Variants in NPAS3 observed in about 807,000 individuals in gnomAD.
NPAS3 encodes neuronal PAS domain protein 3.
A neutral mutation model predicts 73.1 loss-of-function variants in NPAS3; 14 were observed. The ratio of observed to expected loss-of-function variants is 0.19; its 90% CI spans 0.13 to 0.30. The LOEUF (loss-of-function observed/expected upper bound fraction) is 0.30, where lower values mean the gene tolerates loss of function less well. Among genes scored for constraint, NPAS3 ranks in the 10% least tolerant of loss-of-function variants. NPAS3 has a pLI of 1.00. For synonymous variants in NPAS3, 620 were observed against 541.5 expected (o/e 1.14, Z -2.01); for missense variants, 1,096 against 1,250.0 (o/e 0.88, Z 1.86).
chr14:33,148,901 G>A (rs775823938), intron 2 of NPAS3, among the ~76,000 whole-genome samples: 1 of 152,008 alleles, frequency 6.6e-6, no homozygotes, highest in Non-Finnish European at 1.5e-5. Flanking sequence ...TGTCCAGGCT[G>A]GTCTCAAACT....
At chr14:33,131,867 C>T (rs1188619860) in intron 2 of NPAS3, among the ~76,000 whole-genome samples, 2 of 152,124 alleles carry the variant, frequency 1.3e-5, no homozygotes, top group Non-Finnish European at 2.9e-5. Context: ...TGAGCCGAAG[C>T]TTGCAGGATC....
intron 1 of NPAS3, among the ~76,000 whole-genome samples, chr14:33,006,894 C>T (rs929482767): frequency 6.6e-6 from 1 of 152,136 alleles, no homozygotes; most frequent in East Asian, 1.9e-4. Flanking sequence ...CTAATAGGAG[C>T]AAATTCATCT....
intron 1 of NPAS3, among the ~76,000 whole-genome samples, chr14:33,012,700 C>T (rs141874594): frequency 0.054 from 8,199 of 152,142 alleles, 427 homozygotes; most frequent in East Asian, 0.22. Context: ...AGGCGCCCGC[C>T]ACCACACATG....
At chr14:33,794,090 T>G in intron 10 of NPAS3, 46 bp downstream of exon 10, 6 of 1,552,468 alleles carry the variant, frequency 3.9e-6, no homozygotes, top group Non-Finnish European at 5.3e-6. Context: ...TTATAAAATA[T>G]GCCATATAAA....
At chr14:33,599,359 A>C (rs529392103) in intron 5 of NPAS3, among the ~76,000 whole-genome samples, 1 of 152,320 alleles carries the variant, frequency 6.6e-6, no homozygotes, top group African/African-American at 2.4e-5. Context: ...TATTGTACTC[A>C]TGGGAAGTCG....
At chr14:32,956,624 A>G (rs2139184632) in intron 1 of NPAS3, among the ~76,000 whole-genome samples, 1 of 152,280 alleles carries the variant, frequency 6.6e-6, no homozygotes, top group South Asian at 2.1e-4. Context: ...GACATAGCTT[A>G]CTTTCTCCAA....
intron 1 of NPAS3, among the ~76,000 whole-genome samples, chr14:33,036,001 G>A (rs1158324726): frequency 3.3e-5 from 5 of 152,286 alleles, no homozygotes; most frequent in Admixed American, 2.6e-4. Flanking sequence ...AACTGCCCTA[G>A]AAGCCACATC....
At chr14:33,197,180 A>G (rs2046388124) in intron 2 of NPAS3, among the ~76,000 whole-genome samples, 1 of 151,950 alleles carries the variant, frequency 6.6e-6, no homozygotes, top group South Asian at 2.1e-4. Context: ...TATCGCATAT[A>G]CAGGGGTGAA....
intron 4 of NPAS3, among the ~76,000 whole-genome samples, chr14:33,486,308 C>T (rs574163159): frequency 2.3e-4 from 35 of 152,170 alleles, no homozygotes; most frequent in Admixed American, 1.5e-3. Context: ...TTTCTCCCGG[C>T]GTCCTCATCT....
At chr14:33,754,920 A>G (rs1197778467) in intron 7 of NPAS3, among the ~76,000 whole-genome samples, 1 of 151,990 alleles carries the variant, frequency 6.6e-6, no homozygotes, top group African/African-American at 2.4e-5. Context: ...TGTCTCATAG[A>G]CGAGACCATG....
chr14:32,963,822 A>G (rs1260000038), intron 1 of NPAS3, among the ~76,000 whole-genome samples: 1 of 152,194 alleles, frequency 6.6e-6, no homozygotes, highest in Non-Finnish European at 1.5e-5. Context: ...AGCAAGTAAT[A>G]TGATAATTGC....
rs192954266 is a variant in NPAS3, at chr14:33,270,744, T to C, written c.385+55318T>C. 1.8e-3 allele frequency among the ~76,000 whole-genome samples: 280 copies of C among 152,336 alleles called. 1 individual carries two copies. The highest frequency in any genetic ancestry group is 6.4e-3 in the African/African-American group (267 of 41,578). ...AAAATAACTTTGTGGCTTTAGCCTG[T>C]TAAGCACATATCACAACCATGAGTT... On this transcript the variant is annotated intron_variant, in intron 3 of 11. Transcript: ENST00000356141.
At chr14:33,420,023 C>T (rs752286817) in intron 4 of NPAS3, among the ~76,000 whole-genome samples, 1 of 151,880 alleles carries the variant, frequency 6.6e-6, no homozygotes, top group South Asian at 2.1e-4. Flanking sequence ...TCTGAAACAC[C>T]GGACTGGAGG....
chr14:33,663,734 T>C (rs1341572725), intron 5 of NPAS3, among the ~76,000 whole-genome samples: 4 of 152,166 alleles, frequency 2.6e-5, no homozygotes, highest in Non-Finnish European at 5.9e-5. Context: ...TTGTTATTGG[T>C]CTATTCAGGG....
rs1446869453 is a variant in NPAS3, at chr14:33,451,114, C to T, written c.468+83846C>T. Among the ~76,000 whole-genome samples the T allele has an allele frequency of 2.6e-5, 4 of 152,172 alleles. No homozygotes were observed. The East Asian group carries it at 5.8e-4, about 22-fold the overall frequency. ...CCTTGAGATCCAAGATATTTTATCT[C>T]TGTGTTTTCAGTACCTTTTCTAGTC... On this transcript the variant is annotated intron_variant, in intron 4 of 11. Transcript: ENST00000356141.
intron 4 of NPAS3, among the ~76,000 whole-genome samples, chr14:33,552,751 A>G (rs987197259): frequency 1.3e-5 from 2 of 152,064 alleles, no homozygotes; most frequent in Non-Finnish European, 2.9e-5. Context: ...GCCAAAGCAA[A>G]GCAGTGACAT....
chr14:33,152,499 C>T lies in NPAS3; in HGVS notation c.141-62683C>T, dbSNP rs148876253. Reference sequence around the variant, plus strand: ...GTTCCCATTTCTTTTTTTCTTCCCTCACTTTGACAGCGCACATTCTCTGGT... The same window carrying T: ...GTTCCCATTTCTTTTTTTCTTCCCTTACTTTGACAGCGCACATTCTCTGGT... On this transcript the variant is annotated intron_variant, in intron 2 of 11. Transcript: ENST00000356141. 5.6e-3 allele frequency among the ~76,000 whole-genome samples: 857 copies of T among 152,204 alleles called. 6 individuals are homozygous for T. The highest frequency in any genetic ancestry group is 0.02 in the African/African-American group (821 of 41,516).
intron 1 of NPAS3, among the ~76,000 whole-genome samples, chr14:33,021,825 A>G (rs1012062577): frequency 1.3e-5 from 2 of 152,234 alleles, no homozygotes; most frequent in Non-Finnish European, 2.9e-5. Context: ...AGCAAGGGCC[A>G]ATATAATAAT....
At chr14:33,308,527 T>TAC (rs1555371843) in intron 3 of NPAS3, among the ~76,000 whole-genome samples, 5 of 103,734 alleles carry the variant, frequency 4.8e-5, no homozygotes, top group African/African-American at 9.3e-5. Flanking sequence ...TATATATATA[T>TAC]ACATACACAC....
Sources: allele counts gnomAD v4.1 joint callset (sites outside exome capture counted in the v4.1 genomes callset), GRCh38; gene constraint gnomAD v4.1.1; transcripts MANE v1.5; gene names NCBI Gene and HGNC (gene_info 2026-07-23, HGNC 2026-07-21).